Variants in CHLSN observed in about 807,000 individuals in gnomAD.
The protein encoded by CHLSN is protein cholesin.
chr7:1,022,658 GTCT>G, the CHLSN span, among the ~76,000 whole-genome samples: 3 of 152,166 alleles, frequency 2.0e-5, no homozygotes, highest in Admixed American at 1.3e-4. Context: ...CATCGATGTG[GTCT>G]TCTTAATGAT....
chr7:1,136,511 CATATATAAATAT>C, the CHLSN span, among the ~76,000 whole-genome samples: 8 of 106,354 alleles, frequency 7.5e-5, 1 homozygote, highest in Non-Finnish European at 1.0e-4. Context: ...TATATATAAA[CATATATAAATAT>C]ATATAAACAT....
chr7:990,517 C>T, the CHLSN span, among the ~76,000 whole-genome samples: 2 of 151,962 alleles, frequency 1.3e-5, no homozygotes. Flanking sequence ...ACCTGCGCCA[C>T]GTGAAGCGGC....
the CHLSN span, among the ~76,000 whole-genome samples, chr7:1,112,059 T>C: frequency 6.6e-6 from 1 of 152,194 alleles, no homozygotes; most frequent in East Asian, 1.9e-4. Flanking sequence ...TTTTTTAAAA[T>C]TACATTTTGC....
At chr7:1,022,373 A>G in the CHLSN span, among the ~76,000 whole-genome samples, 1 of 152,240 alleles carries the variant, frequency 6.6e-6, no homozygotes, top group African/African-American at 2.4e-5. Context: ...ACCCGTACGG[A>G]TTCTGTTCCA....
the CHLSN span, among the ~76,000 whole-genome samples, chr7:1,011,808 G>C: frequency 6.6e-6 from 1 of 152,138 alleles, no homozygotes; most frequent in Non-Finnish European, 1.5e-5. Flanking sequence ...CGCAGCAAGA[G>C]ACAGGGCCTG....
At chr7:1,081,493 G>C in the CHLSN span, among the ~76,000 whole-genome samples, 1 of 152,244 alleles carries the variant, frequency 6.6e-6, no homozygotes, top group East Asian at 1.9e-4. Flanking sequence ...CACGGCGCAG[G>C]GGTGGCGGCA....
chr7:1,070,671 G>A, the CHLSN span, among the ~76,000 whole-genome samples: 12,831 of 129,342 alleles, frequency 0.099, 653 homozygotes, highest in South Asian at 0.13. Context: ...ACGCACATAC[G>A]CACACGTGCA....
At chr7:1,097,766 C>T in the CHLSN span, among the ~76,000 whole-genome samples, 1 of 152,154 alleles carries the variant, frequency 6.6e-6, no homozygotes, top group South Asian at 2.1e-4. The surrounding 1 kb of genome is among the most constrained non-coding windows in gnomAD (Gnocchi z 4.3). Context: ...GCAGCACCAA[C>T]AAGGAGGCCG....
chr7:1,067,190 G>A, the CHLSN span, among the ~76,000 whole-genome samples: 3 of 148,854 alleles, frequency 2.0e-5, no homozygotes, highest in Non-Finnish European at 4.5e-5. Context: ...TGAGGGTTTG[G>A]GGCACAATCT....
chr7:996,328 G>A, the CHLSN span, among the ~76,000 whole-genome samples: 1 of 152,250 alleles, frequency 6.6e-6, no homozygotes, highest in Admixed American at 6.5e-5. Context: ...CAGGCAGCCT[G>A]ACCTCAGCCT....
At chr7:998,805 T>TC in the CHLSN span, among the ~76,000 whole-genome samples, 3 of 152,182 alleles carry the variant, frequency 2.0e-5, no homozygotes, top group Non-Finnish European at 4.4e-5. Context: ...CGCTTGTGCT[T>TC]CTAGAGTCAC....
At chr7:1,037,451 G>A in the CHLSN span, among the ~76,000 whole-genome samples, 1 of 125,920 alleles carries the variant, frequency 7.9e-6, no homozygotes, top group African/African-American at 3.0e-5. Context: ...TCGCTGTGTT[G>A]GCCGGGCCGG....
At chr7:1,030,787 A>T in the CHLSN span, among the ~76,000 whole-genome samples, 1 of 151,806 alleles carries the variant, frequency 6.6e-6, no homozygotes, top group Non-Finnish European at 1.5e-5. Flanking sequence ...CTCCCCGGGC[A>T]GGTGGGACTC....
At chr7:1,034,426 T>TA in the CHLSN span, among the ~76,000 whole-genome samples, 1 of 151,886 alleles carries the variant, frequency 6.6e-6, no homozygotes, top group African/African-American at 2.4e-5. Flanking sequence ...AAGATTATTC[T>TA]AAAACGTATA....
At chr7:984,883 C>T in the CHLSN span, 4 of 1,520,560 alleles carry the variant, frequency 2.6e-6, no homozygotes, top group African/African-American at 5.5e-5. Context: ...TCACTTCCTG[C>T]CCACTTGCCT....
At chr7:1,072,657 A>C in the CHLSN span, among the ~76,000 whole-genome samples, 2 of 144,504 alleles carry the variant, frequency 1.4e-5, no homozygotes, top group African/African-American at 5.2e-5. Flanking sequence ...TTAATTATGG[A>C]GTCAATTTCT....
the CHLSN span, among the ~76,000 whole-genome samples, chr7:1,016,939 C>CCAGCGCACAG: frequency 4.9e-4 from 29 of 58,908 alleles, 3 homozygotes; most frequent in African/African-American, 1.2e-3. Flanking sequence ...GCAGCACACG[C>CCAGCGCACAG]CAGCACACGC....
the CHLSN span, among the ~76,000 whole-genome samples, chr7:1,013,612 G>C: frequency 6.6e-6 from 1 of 152,238 alleles, no homozygotes; most frequent in Non-Finnish European, 1.5e-5. Context: ...GGGCGGCTTT[G>C]AGCCGACGCT....
chr7:1,000,617 G>GATCTCTCAGGGC, the CHLSN span: 3 of 1,338,028 alleles, frequency 2.2e-6, no homozygotes, highest in Non-Finnish European at 3.1e-6. Flanking sequence ...TGTCTGCCCT[G>GATCTCTCAGGGC]AGAGATCGGG....
Sources: gnomAD v4.1 joint callset for allele counts (sites outside exome capture counted in the v4.1 genomes callset) on GRCh38, gnomAD v4.1.1 for gene constraint, Gnocchi (gnomAD v3.1) non-coding constraint, MANE v1.5 for transcripts, NCBI Gene and HGNC (gene_info 2026-07-23, HGNC 2026-07-21) for gene names.